CCDC77: variants seen among roughly 807,000 people sequenced by gnomAD.
CCDC77 encodes coiled-coil domain containing 77, also known as coiled-coil domain-containing protein 77.
In CCDC77, 56 loss-of-function variants were observed where a neutral mutation model predicts 66.8. The ratio of observed to expected loss-of-function variants is 0.84; its 90% CI spans 0.68 to 1.05. The LOEUF (loss-of-function observed/expected upper bound fraction) is 1.05, where lower values mean the gene tolerates loss of function less well. Ranked by LOEUF, CCDC77 falls within the 50% of genes least tolerant of loss-of-function variation. CCDC77 has a pLI of 0.00. For missense variants in CCDC77, 570 were observed against 576.8 expected, an observed-to-expected ratio of 0.99 and a Z score of 0.12; for synonymous variants, 196 against 195.2, an observed-to-expected ratio of 1.00 and a Z score of -0.03.
chr12:441,309 T>TA (rs1194100899), intron 12 of CCDC77, among the ~76,000 whole-genome samples: 4 of 152,222 alleles, frequency 2.6e-5, no homozygotes, highest in East Asian at 3.8e-4. Context: ...AATTGAGTGA[T>TA]AGAGTACTTT....
At chr12:403,900 C>T (rs1395355226) in intron 1 of CCDC77, among the ~76,000 whole-genome samples, 8 of 152,190 alleles carry the variant, frequency 5.3e-5, no homozygotes, top group Non-Finnish European at 8.8e-5. Context: ...AAGTGATCCT[C>T]GCACCAAGCA....
intron 12 of CCDC77, 64 bp from the exon 13 acceptor site, chr12:441,710 T>G: frequency 6.5e-7 from 1 of 1,547,586 alleles, no homozygotes; most frequent in Non-Finnish European, 8.7e-7. Flanking sequence ...TCTTTTTGAC[T>G]GATATCGCTC....
chr12:433,872 G>A (rs1449041594), intron 9 of CCDC77, among the ~76,000 whole-genome samples: 1 of 152,074 alleles, frequency 6.6e-6, no homozygotes, highest in East Asian at 1.9e-4. Flanking sequence ...CCCAAGAAAG[G>A]CAGGATTATA....
chr12:403,043 G>A (rs1398092296), intron 1 of CCDC77, among the ~76,000 whole-genome samples: 2 of 152,230 alleles, frequency 1.3e-5, no homozygotes, highest in South Asian at 4.1e-4. Flanking sequence ...TCAAGTGCCA[G>A]TGGGACTATG....
chr12:413,314 G>A lies in CCDC77; in HGVS notation c.270+1336G>A, dbSNP rs1164390547. Among the ~76,000 whole-genome samples, 1,317 of 122,848 alleles carry A rather than the reference G, an allele frequency of 0.011. No homozygotes were observed. The Middle Eastern group carries it at 0.16, about 15-fold the overall frequency. The allele number at this position is 122,848 out of a possible 152,430, so 80.6% of individuals were successfully genotyped here. ...TGCAGTGGCGCGATCTCAGCTCACT[G>A]CAAGCTCCGCCTCCCGGGTTCACGC... is the stretch of plus-strand genomic sequence containing the variant. On this transcript the variant is annotated intron_variant, in intron 4 of 12. Coordinates refer to ENST00000239830, the MANE Select transcript of CCDC77 (RefSeq NM_032358.4).
At chr12:432,613 G>A (rs1945674244) in intron 8 of CCDC77, among the ~76,000 whole-genome samples, 2 of 152,222 alleles carry the variant, frequency 1.3e-5, no homozygotes, top group African/African-American at 4.8e-5. Flanking sequence ...AGACAGTCAA[G>A]GGAGATAGTG....
At position 428,668 on chromosome 12, in the gene CCDC77, A is replaced by G. The variant is rs1945583116; in HGVS notation, c.414-101A>G. 6.4e-6 allele frequency: 4 copies of G among 622,860 alleles called. No individual in the cohort carries two copies. In the Admixed American group the frequency reaches 1.7e-4, roughly 27 times the overall value. The allele number at this position is 622,860 out of a possible 1,614,324, so 38.6% of individuals were successfully genotyped here. On this transcript the variant is annotated intron_variant, in intron 5 of 12. Coordinates refer to ENST00000239830, the MANE Select transcript of CCDC77 (RefSeq NM_032358.4). ...GTTACTGTTTTAATTTGGGGTTACA[A>G]TTGTTTTAAAAAAAAAATAGAAGGG...
At chr12:422,138 A>C (rs12311274) in intron 5 of CCDC77, among the ~76,000 whole-genome samples, 16,358 of 36,506 alleles carry the variant, frequency 0.45, 3,536 homozygotes, top group East Asian at 0.64. Context: ...ATAGCAGCAC[A>C]CTCCATGCTC....
intron 5 of CCDC77, among the ~76,000 whole-genome samples, chr12:423,486 T>TG (rs1945466076): frequency 3.1e-5 from 1 of 32,134 alleles, no homozygotes; most frequent in African/African-American, 1.5e-4. Flanking sequence ...TGTGTTTTTT[T>TG]TTGTTTTGTT....
At chr12:392,380 C>T (rs1489510911) in intron 1 of CCDC77, among the ~76,000 whole-genome samples, 2 of 152,140 alleles carry the variant, frequency 1.3e-5, no homozygotes, top group African/African-American at 4.8e-5. Context: ...AAACAAATGT[C>T]ATTTTAATTC....
chr12:426,721 C>G (rs1328659981), intron 5 of CCDC77, among the ~76,000 whole-genome samples: 1 of 152,024 alleles, frequency 6.6e-6, no homozygotes, highest in Non-Finnish European at 1.5e-5. Flanking sequence ...TCCATGGTCC[C>G]CACGTGCCCC....
intron 5 of CCDC77, among the ~76,000 whole-genome samples, chr12:423,704 C>A (rs1769497770): frequency 6.6e-6 from 1 of 151,754 alleles, no homozygotes; most frequent in African/African-American, 2.4e-5. Context: ...CCCGTTTTGC[C>A]CAGGCTGGTC....
intron 4 of CCDC77, among the ~76,000 whole-genome samples, chr12:417,046 G>A (rs894651305): frequency 4.1e-5 from 6 of 147,622 alleles, no homozygotes; most frequent in Admixed American, 6.9e-5. Context: ...GGCTGAGGCA[G>A]AAGAATCGCC....
intron 12 of CCDC77, among the ~76,000 whole-genome samples, chr12:441,226 C>T (rs1945852192): frequency 6.6e-6 from 1 of 152,214 alleles, no homozygotes; most frequent in African/African-American, 2.4e-5. Flanking sequence ...GTAAGCTAAA[C>T]AGATTGTCAT....
At chr12:438,793 G>T (rs967920278) in intron 10 of CCDC77, among the ~76,000 whole-genome samples, 2 of 152,054 alleles carry the variant, frequency 1.3e-5, no homozygotes, top group African/African-American at 4.8e-5. Flanking sequence ...TCCTGGCCGG[G>T]CACAGTGGTT....
At chr12:431,464 A>C (rs1277112672) in intron 7 of CCDC77, among the ~76,000 whole-genome samples, 3 of 152,142 alleles carry the variant, frequency 2.0e-5, no homozygotes, top group African/African-American at 7.2e-5. Flanking sequence ...TCCTGGCTTC[A>C]AGTGATTGTC....
chr12:398,469 T>C (rs1411447996), upstream of CCDC77, among the ~76,000 whole-genome samples: 1 of 152,020 alleles, frequency 6.6e-6, no homozygotes, highest in Non-Finnish European at 1.5e-5. Flanking sequence ...AGACAGAATC[T>C]TGCTCTGTTG....
chr12:428,497 C>T (rs569464703), intron 5 of CCDC77, among the ~76,000 whole-genome samples: 5 of 108,734 alleles, frequency 4.6e-5, no homozygotes, highest in South Asian at 6.2e-4. Flanking sequence ...GACAACAGAG[C>T]GAGACTCTGT....
rs773280785 is a variant in CCDC77 at position 441,972 on chromosome 12, C to G, written c.*52C>G. 6.3e-7 allele frequency: 1 copy of G among 1,594,476 alleles called. No individual in the cohort carries two copies. The highest frequency in any genetic ancestry group is 8.6e-7 in the Non-Finnish European group (1 of 1,164,498). On this transcript the variant is annotated 3_prime_UTR_variant, in exon 13 of 13. Coordinates refer to ENST00000239830, the MANE Select transcript of CCDC77 (RefSeq NM_032358.4). ...TTAGAAGAGGTGTGCTTCTTGAAACCTGAGGACAAGGTCATCTGCTGCCAG... is the reference window on the plus strand; with the variant it reads ...TTAGAAGAGGTGTGCTTCTTGAAACGTGAGGACAAGGTCATCTGCTGCCAG...
Sources: allele counts gnomAD v4.1 joint callset (sites outside exome capture counted in the v4.1 genomes callset), GRCh38; gene constraint gnomAD v4.1.1; transcripts MANE v1.5; gene names NCBI Gene and HGNC (gene_info 2026-07-23, HGNC 2026-07-21).